Variants in ASPSCR1 observed in about 807,000 individuals in gnomAD.
ASPSCR1 encodes the protein tether containing UBX domain for GLUT4.
ASPSCR1 carries 55 observed loss-of-function variants against 68.9 expected under a neutral mutation model. That is an observed-to-expected ratio of 0.80 (90% CI 0.64 to 1.00). The LOEUF is 1.00. Ranked by LOEUF, ASPSCR1 falls within the 50% of genes least tolerant of loss-of-function variation. ASPSCR1 has a pLI of 0.00. For synonymous variants in ASPSCR1, 352 were observed against 332.6 expected, an observed-to-expected ratio of 1.06 and a Z score of -0.63; for missense variants, 765 against 762.2, an observed-to-expected ratio of 1.00 and a Z score of -0.04.
At chr17:81,981,224 G>A (rs928480897) in intron 2 of ASPSCR1, among the ~76,000 whole-genome samples, 58 of 152,192 alleles carry the variant, frequency 3.8e-4, no homozygotes, top group African/African-American at 1.3e-3. Context: ...GCTGCTTTCT[G>A]TTTATCCCTT....
At chr17:82,002,901 G>A (rs575721840) in intron 7 of ASPSCR1, among the ~76,000 whole-genome samples, 2 of 150,206 alleles carry the variant, frequency 1.3e-5, no homozygotes, top group Admixed American at 6.6e-5. Context: ...TCGAGACAGG[G>A]TCTGTCTATG....
At chr17:81,991,854 C>G (rs1475869583) in intron 4 of ASPSCR1, among the ~76,000 whole-genome samples, 1 of 152,266 alleles carries the variant, frequency 6.6e-6, no homozygotes, top group African/African-American at 2.4e-5. Flanking sequence ...CTTTGTCATA[C>G]CCAGACAGGA....
intron 7 of ASPSCR1, 195 bp from the exon 8 acceptor site, chr17:82,008,842 T>G: frequency 1.5e-6 from 1 of 648,092 alleles, no homozygotes; most frequent in East Asian, 3.3e-5. Flanking sequence ...AGGCTCTGAG[T>G]GGGGTGGGGT....
chr17:81,990,257 G>A lies in ASPSCR1; in HGVS notation c.375-4564G>A, dbSNP rs771809671. 6.6e-6 allele frequency among the ~76,000 whole-genome samples: 1 copy of A among 152,204 alleles called. No individual in the cohort carries two copies. Among genetic ancestry groups the A allele is most frequent in the Non-Finnish European group, 1.5e-5 (1 of 68,044 alleles). ...AGTCCTTGAGACCTGCATGTATGGT[G>A]CACTTGGAGCATCTCGGTCTGGGCC... On this transcript the variant is annotated intron_variant, in intron 4 of 15. Transcript: ENST00000306739. This position sits in a 1 kb window ranked among gnomAD's most constrained non-coding sequence, Gnocchi z 4.1.
chr17:82,017,218 C>G, intron 15 of ASPSCR1, 91 bp from the exon 16 acceptor site: 1 of 1,592,126 alleles, frequency 6.3e-7, no homozygotes, highest in Non-Finnish European at 8.5e-7. Context: ...CTGTGGCCGG[C>G]AGGGCCGAGT....
rs896248634 is a variant in ASPSCR1, at chr17:81,987,496, C to T, written c.374+1889C>T. Among the ~76,000 whole-genome samples, 9 of 152,288 alleles carry T rather than the reference C, an allele frequency of 5.9e-5. 1 individual carries two copies. Among genetic ancestry groups the T allele is most frequent in the Admixed American group, 5.2e-4 (8 of 15,304 alleles). The stretch of plus-strand genomic sequence containing the variant: ...TCCAGTGCTCCCACAGGCACAGGTG[C>T]TTGGTGAGGGCCGTCCTCCCTGGCT... On this transcript the variant is annotated intron_variant, in intron 4 of 15. Transcript: ENST00000306739. The surrounding 1 kb of genome is among the most constrained non-coding windows in gnomAD (Gnocchi z 5.6).
chr17:82,011,000 G>A (rs539369758), intron 10 of ASPSCR1, 132 bp downstream of exon 10: 2 of 1,084,248 alleles, frequency 1.8e-6, no homozygotes, highest in East Asian at 2.6e-5. Flanking sequence ...GGGTGCGGGT[G>A]CTGATGTCCC....
chr17:81,997,539 G>A (rs905329096), intron 7 of ASPSCR1, among the ~76,000 whole-genome samples: 2 of 147,188 alleles, frequency 1.4e-5, no homozygotes, highest in Non-Finnish European at 1.5e-5. Context: ...CTAGGTGGGC[G>A]TACAGTGGCG....
At chr17:82,012,369 G>A in intron 12 of ASPSCR1, 86 bp downstream of exon 12, 3 of 1,485,320 alleles carry the variant, frequency 2.0e-6, no homozygotes, top group Non-Finnish European at 1.9e-6. Context: ...GCAGGAAGGA[G>A]GGGCCTGGCA....
At position 82,015,018 on chromosome 17, in the gene ASPSCR1, C is replaced by T. The variant is rs368164103; in HGVS notation, c.1354-1458C>T. 7.3e-6 allele frequency: 11 copies of T among 1,515,798 alleles called. No homozygotes were observed. The African/African-American group carries it at 8.2e-5, about 11-fold the overall frequency. The allele number at this position is 1,515,798 out of a possible 1,614,324, so 93.9% of individuals were successfully genotyped here. A position where few individuals can be genotyped will look rare whatever the true frequency, so the allele number is the denominator to read the frequency against. On this transcript the variant is annotated intron_variant, in intron 12 of 15. Transcript: ENST00000306739. The stretch of plus-strand genomic sequence containing the variant: ...CCTCAGCCTGTGCCTCCCTCAAAGG[C>T]CCTTCCCGGGCCCTGCTCTGGCTGG...
At chr17:82,014,053 C>G (rs2043040589) in intron 12 of ASPSCR1, 1 of 152,268 alleles carries the variant, frequency 6.6e-6, no homozygotes. Context: ...CTAACACCCT[C>G]CGTTTGTTGG....
At chr17:81,979,088 C>G in intron 1 of ASPSCR1, 96 bp from the exon 2 acceptor site, 1 of 1,355,444 alleles carries the variant, frequency 7.4e-7, no homozygotes, top group Non-Finnish European at 1.1e-6. Flanking sequence ...AGCCACCTGG[C>G]TCACCAGGAA....
At chr17:82,014,623 C>T (rs886504660) in intron 12 of ASPSCR1, 10 of 174,014 alleles carry the variant, frequency 5.7e-5, no homozygotes, top group Admixed American at 4.9e-4. Context: ...CCCTCCCGGG[C>T]GTCTTGAGCT....
At chr17:82,008,470 C>G (rs368331509) in intron 7 of ASPSCR1, 4 of 153,266 alleles carry the variant, frequency 2.6e-5, no homozygotes, top group South Asian at 2.0e-4. Context: ...AAATCACTGC[C>G]CAGGGCTCCG....
intron 4 of ASPSCR1, among the ~76,000 whole-genome samples, chr17:81,988,317 T>C (rs1401356361): frequency 1.3e-5 from 2 of 151,626 alleles, no homozygotes; most frequent in Non-Finnish European, 2.9e-5. Flanking sequence ...AAAAATTAGC[T>C]GGGCGCAATG....
chr17:81,992,687 G>C (rs1484645437), intron 4 of ASPSCR1, among the ~76,000 whole-genome samples: 1 of 152,252 alleles, frequency 6.6e-6, no homozygotes, highest in East Asian at 1.9e-4. Context: ...CCTCTGTCCG[G>C]GTTCTGCTCC....
In ASPSCR1 at chr17:81,996,720, G is replaced by T. The variant is rs1376094013; in HGVS notation, c.807G>T (p.Leu269Phe). The change falls in exon 7 of 16, where the codon TTG becomes TTT. Residue 269 changes from leucine (L) to phenylalanine (F), a missense_variant. By Grantham distance (22) the Leu-to-Phe change is conservative. Transcript: ENST00000306739. ...TRPLTSSSAK[L>F]PKSLSSPGGP... ...CTCTGACATCATCTTCAGCTAAGTT[G>T]CCGAAGTCCCTCTCCAGCCCTGGAG... 2 of 1,613,576 alleles carry T rather than the reference G, an allele frequency of 1.2e-6. No individual in the cohort carries two copies. The highest frequency in any genetic ancestry group is 1.7e-6 in the Non-Finnish European group (2 of 1,180,000).
At position 82,012,063 on chromosome 17, in the gene ASPSCR1, C is replaced by T. The variant is rs919139171; in HGVS notation, c.1301-168C>T. On this transcript the variant is annotated intron_variant, in intron 11 of 15. Transcript: ENST00000306739. ...CTGCCCCCCACCGGCCCTTCCGAGC[C>T]CTCAGCTGGAGTTTCTGCAGCAGGA... 24 of 857,406 alleles carry T rather than the reference C, an allele frequency of 2.8e-5. No individual in the cohort carries two copies. The African/African-American group carries it at 3.8e-4, about 14-fold the overall frequency. 53.1% of individuals were successfully genotyped at this position (857,406 alleles called of 1,614,324 possible). A position where few individuals can be genotyped will look rare whatever the true frequency, so the allele number is the denominator to read the frequency against.
chr17:82,001,639 G>A (rs903294798), intron 7 of ASPSCR1, among the ~76,000 whole-genome samples: 1 of 152,178 alleles, frequency 6.6e-6, no homozygotes, highest in Non-Finnish European at 1.5e-5. Context: ...TGGGAGTGTG[G>A]GGCTCCGTAC....
Sources: allele counts gnomAD v4.1 joint callset (sites outside exome capture counted in the v4.1 genomes callset), GRCh38; gene constraint gnomAD v4.1.1; non-coding constraint Gnocchi (gnomAD v3.1); transcripts MANE v1.5; gene names NCBI Gene and HGNC (gene_info 2026-07-23, HGNC 2026-07-21).